Variants in PHACTR1 observed in about 807,000 individuals in gnomAD.
PHACTR1 encodes the protein phosphatase and actin regulator 1.
In PHACTR1, 16 loss-of-function variants were observed where a neutral mutation model predicts 69.2. That is an observed-to-expected ratio of 0.23 (90% CI 0.16 to 0.35). The LOEUF (loss-of-function observed/expected upper bound fraction) is 0.35. Ranked by LOEUF, PHACTR1 falls within the 10% of genes least tolerant of loss-of-function variation. The probability of loss-of-function intolerance (pLI) is 1.00; values close to 1 mark genes in which losing one functional copy is unlikely to be tolerated. For synonymous variants in PHACTR1, 312 were observed against 284.5 expected (o/e 1.10, Z -0.97); for missense variants, 510 against 734.7 (o/e 0.69, Z 3.54).
Position 13,230,119 on chromosome 6 carries a change from A to G in PHACTR1, c.1317A>G (p.Glu439=). The G allele has an allele frequency of 6.2e-7, 1 of 1,611,726 alleles. No individual in the cohort carries two copies. The highest frequency in any genetic ancestry group is 8.5e-7 in the Non-Finnish European group (1 of 1,179,060). ...SNRPSKRELE[E]KNILPRQTDE... ...GGCCCTCCAAGCGAGAGCTGGAAGA[A>G]AAGAACATCCTTCCCAGGCAGACGG... The change falls in exon 10 of 15, where the codon GAA becomes GAG. Residue 439 remains glutamate, a synonymous_variant. Coordinates refer to ENST00000332995, the MANE Select transcript of PHACTR1 (RefSeq NM_030948.6).
At chr6:12,961,260 A>C (rs1272685490) in intron 4 of PHACTR1, among the ~76,000 whole-genome samples, 1 of 152,238 alleles carries the variant, frequency 6.6e-6, no homozygotes, top group African/African-American at 2.4e-5. Flanking sequence ...AAAGTAATCC[A>C]ACAGAATACA....
At chr6:13,281,290 A>G (rs771251504) in intron 12 of PHACTR1, 24 of 397,632 alleles carry the variant, frequency 6.0e-5, no homozygotes, top group African/African-American at 2.5e-4. Context: ...TCGGTGGCTC[A>G]TATCTGTAAT....
At chr6:13,229,209 TG>T (rs1770357010) in intron 9 of PHACTR1, among the ~76,000 whole-genome samples, 1 of 152,236 alleles carries the variant, frequency 6.6e-6, no homozygotes, top group African/African-American at 2.4e-5. Flanking sequence ...TTCTTTGGTG[TG>T]GGGCCGTCCT....
chr6:13,286,105 C>T, intron 13 of PHACTR1, 41 bp from the exon 14 acceptor site: 1 of 1,530,778 alleles, frequency 6.5e-7, no homozygotes, highest in Admixed American at 2.3e-5. Flanking sequence ...TTTTTTCTGT[C>T]TCTCTCCCAT....
intron 10 of PHACTR1, among the ~76,000 whole-genome samples, chr6:13,239,676 C>T (rs1288985487): frequency 6.6e-6 from 1 of 152,244 alleles, no homozygotes; most frequent in East Asian, 1.9e-4. Context: ...AGCCATTGAA[C>T]ATGTCTCAGA....
chr6:13,283,309 G>C lies in PHACTR1; in HGVS notation c.1510-113G>C, dbSNP rs1161197173. On this transcript the variant is annotated intron_variant, in intron 12 of 14. Transcript: ENST00000332995. The surrounding 1 kb of genome is among the most constrained non-coding windows in gnomAD (Gnocchi z 4.7). ...CCCTGCCCCTCACTCACTATGCGAT[G>C]CATCCATCGCCTCACTGAACCTTAT... 6 of 790,340 alleles carry C rather than the reference G, an allele frequency of 7.6e-6. No homozygotes were observed. Among genetic ancestry groups the C allele is most frequent in the Non-Finnish European group, 1.1e-5 (6 of 526,050 alleles). 49.0% of individuals were successfully genotyped at this position (790,340 alleles called of 1,614,324 possible).
rs113913536 is a variant in PHACTR1, at chr6:12,750,646, G to T, written c.250+856G>T. ...AAATGCCTCAGTTGAGTCCACTGAA[G>T]GTTACTCAATGAGTAAAGTCCAGCA... On this transcript the variant is annotated intron_variant, in intron 4 of 14. Transcript: ENST00000332995. 5.7e-3 allele frequency among the ~76,000 whole-genome samples: 869 copies of T among 152,228 alleles called. 6 individuals are homozygous for T. The highest frequency in any genetic ancestry group is 0.02 in the African/African-American group (835 of 41,550).
At chr6:12,838,213 G>A (rs1778348833) in intron 4 of PHACTR1, among the ~76,000 whole-genome samples, 1 of 152,190 alleles carries the variant, frequency 6.6e-6, no homozygotes, top group Non-Finnish European at 1.5e-5. Context: ...ACAAGTCACA[G>A]TTCCTGCTCA....
At chr6:12,732,890 C>T (rs1763727352) in intron 3 of PHACTR1, among the ~76,000 whole-genome samples, 1 of 152,152 alleles carries the variant, frequency 6.6e-6, no homozygotes, top group African/African-American at 2.4e-5. Flanking sequence ...GTGACTTTGC[C>T]AGCTGGGTTG....
At position 12,717,631 on chromosome 6, in the gene PHACTR1, A is replaced by G. The variant is rs1761557596; in HGVS notation, c.-159A>G. The G allele has an allele frequency of 6.6e-6, 1 of 152,194 alleles. No individual in the cohort carries two copies. Among genetic ancestry groups the G allele is most frequent in the South Asian group, 2.1e-4 (1 of 4,828 alleles). The allele number at this position is 152,194 out of a possible 1,614,324, so 9.4% of individuals were successfully genotyped here. On this transcript the variant is annotated 5_prime_UTR_variant, in exon 2 of 15. Transcript: ENST00000332995. ...CATTATTCATCACTGTTCTAATCAA[A>G]CAATCAAAATCGTTTACTTTCACCG...
intron 4 of PHACTR1, among the ~76,000 whole-genome samples, chr6:12,777,557 G>A (rs146990835): frequency 3.7e-3 from 555 of 151,204 alleles, no homozygotes; most frequent in African/African-American, 0.012. Flanking sequence ...TGCTGCAAAG[G>A]CCATGACCTC....
intron 5 of PHACTR1, among the ~76,000 whole-genome samples, chr6:13,148,199 A>C (rs998735248): frequency 1.3e-5 from 2 of 149,504 alleles, no homozygotes; most frequent in Non-Finnish European, 3.0e-5. Flanking sequence ...TTTTTTGAAA[A>C]TTTGCAAACA....
chr6:12,770,419 G>A (rs1272596957), intron 4 of PHACTR1, among the ~76,000 whole-genome samples: 1 of 152,164 alleles, frequency 6.6e-6, no homozygotes, highest in Non-Finnish European at 1.5e-5. Flanking sequence ...GAAGAGGCTG[G>A]CCCAGTCTGG....
At chr6:13,115,173 G>A (rs919244820) in intron 5 of PHACTR1, among the ~76,000 whole-genome samples, 13 of 152,090 alleles carry the variant, frequency 8.5e-5, no homozygotes, top group Admixed American at 5.2e-4. Context: ...TTCTCTTTCC[G>A]TCCTTATAGT....
intron 4 of PHACTR1, among the ~76,000 whole-genome samples, chr6:12,752,009 G>A (rs1174124310): frequency 6.6e-6 from 1 of 152,100 alleles, no homozygotes; most frequent in East Asian, 1.9e-4. Flanking sequence ...ATAAGATCAG[G>A]CTACCAAAAA....
rs58847683 is a variant in PHACTR1 at position 13,284,517 on chromosome 6, C to CAAAAAA, written c.1650+977_1650+982dup. Among the ~76,000 whole-genome samples the CAAAAAA allele has an allele frequency of 8.7e-4, 35 of 40,020 alleles. 1 individual carries two copies. Among genetic ancestry groups the CAAAAAA allele is most frequent in the South Asian group, 1.5e-3 (1 of 684 alleles). The allele number at this position is 40,020 out of a possible 152,430, so 26.3% of individuals were successfully genotyped here. On this transcript the variant is annotated intron_variant, in intron 13 of 14. Transcript: ENST00000332995. ...GGATGACAACAGTGAAACTCCATCT[C>CAAAAAA]AAAAAAAAAAAAAAAAAAAAAAAAA...
intron 4 of PHACTR1, among the ~76,000 whole-genome samples, chr6:12,915,285 C>T (rs1200400454): frequency 6.6e-6 from 1 of 152,082 alleles, no homozygotes; most frequent in African/African-American, 2.4e-5. Flanking sequence ...GCAGGTGGAT[C>T]ACTTTGAGCT....
chr6:12,922,818 T>A (rs781557659), intron 4 of PHACTR1, among the ~76,000 whole-genome samples: 9 of 152,188 alleles, frequency 5.9e-5, no homozygotes, highest in Non-Finnish European at 1.3e-4. Context: ...GTATACATTA[T>A]CCACTGAGAC....
intron 5 of PHACTR1, among the ~76,000 whole-genome samples, chr6:13,074,378 G>A (rs1810072177): frequency 6.6e-6 from 1 of 152,210 alleles, no homozygotes; most frequent in Non-Finnish European, 1.5e-5. Flanking sequence ...GTCAGCTGGT[G>A]TTAAAGTAGA....
Sources: gnomAD v4.1 joint callset for allele counts (sites outside exome capture counted in the v4.1 genomes callset) on GRCh38, gnomAD v4.1.1 for gene constraint, Gnocchi (gnomAD v3.1) non-coding constraint, MANE v1.5 for transcripts, NCBI Gene and HGNC (gene_info 2026-07-23, HGNC 2026-07-21) for gene names.